RPA2: variants seen among roughly 807,000 people sequenced by gnomAD.
RPA2 encodes the protein replication protein A2.
Under a neutral mutation model 33.4 loss-of-function variants are expected in RPA2, and 22 were observed. The observed-to-expected ratio is 0.66, with a 90% CI of 0.47 to 0.94. RPA2 has a LOEUF of 0.94. Among genes scored for constraint, RPA2 ranks in the 40% least tolerant of loss-of-function variants. The pLI, the probability that RPA2 is intolerant of heterozygous loss-of-function variation, is 0.00. For missense variants in RPA2, 279 were observed against 329.9 expected (o/e 0.85, Z 1.19); for synonymous variants, 109 against 114.9 (o/e 0.95, Z 0.33).
In RPA2 at chr1:27,897,693, T is replaced by C. The variant is rs1420834454; in HGVS notation, c.348A>G (p.Glu116=). Residue 116 remains glutamate (E), a synonymous_variant, in exon 5 of 9, where the codon GAA becomes GAG. Coordinates refer to ENST00000373912, the MANE Select transcript of RPA2 (RefSeq NM_002946.5). The part of the protein sequence containing the change: ...QWVDTDDTSS[E]NTVVPPETYV... The stretch of plus-strand genomic sequence containing the variant: ...ATGTTTCTGGAGGAACCACAGTGTT[T>C]TCACTGCTGGTGTCCTAACATAAAA... The C allele has an allele frequency of 6.3e-7, 1 of 1,599,328 alleles. No homozygotes were observed. The highest frequency in any genetic ancestry group is 1.1e-5 in the South Asian group (1 of 87,320).
chr1:27,912,065 G>A (rs892373050), intron 2 of RPA2, among the ~76,000 whole-genome samples: 1 of 151,308 alleles, frequency 6.6e-6, no homozygotes, highest in Non-Finnish European at 1.5e-5. Context: ...CTACACTCCA[G>A]CCTGGGCGAC....
intron 2 of RPA2, among the ~76,000 whole-genome samples, chr1:27,911,856 G>A (rs1209829057): frequency 6.6e-6 from 1 of 152,116 alleles, no homozygotes; most frequent in African/African-American, 2.4e-5. Flanking sequence ...ACTTTGGGAG[G>A]CCGAGGCGGG....
chr1:27,897,182 C>G (rs2089904190), intron 5 of RPA2, 61 bp from the exon 6 acceptor site: 1 of 1,101,238 alleles, frequency 9.1e-7, no homozygotes, highest in East Asian at 2.4e-5. Context: ...TTCAGGTCAA[C>G]ACTGTGGCTC....
chr1:27,910,493 A>G (rs935254837), intron 2 of RPA2, among the ~76,000 whole-genome samples: 4 of 152,218 alleles, frequency 2.6e-5, no homozygotes, highest in Non-Finnish European at 5.9e-5. Context: ...ACAAAGTGTC[A>G]ATAAAAATAT....
At chr1:27,913,855 A>G (rs2090132569) in intron 2 of RPA2, among the ~76,000 whole-genome samples, 1 of 152,188 alleles carries the variant, frequency 6.6e-6, no homozygotes, top group Non-Finnish European at 1.5e-5. Context: ...CAACGACGGG[A>G]AAAGCCAGGG....
At chr1:27,906,294 G>C (rs1357434786) in intron 4 of RPA2, among the ~76,000 whole-genome samples, 2 of 149,786 alleles carry the variant, frequency 1.3e-5, no homozygotes, top group African/African-American at 4.9e-5. Context: ...TTGAACCTGG[G>C]GCCCAGAGGC....
In RPA2 at chr1:27,907,270, G is replaced by A; in HGVS notation, c.130C>T (p.Gln44Ter). 6.3e-7 allele frequency: 1 copy of A among 1,597,976 alleles called. No individual in the cohort carries two copies. Among genetic ancestry groups the A allele is most frequent in the Non-Finnish European group, 8.5e-7 (1 of 1,174,942 alleles). The change falls in exon 3 of 9, where the codon CAG becomes TAG. Residue 44 changes from glutamine to a stop codon, truncating the protein, a stop_gained. Transcript: ENST00000373912. LOFTEE classifies it high-confidence loss of function. ...GATATAGTACAGGGCACAATGTGCTGGGCTCGGGCTCTCTGAAAAGAAAAA... is the reference window on the plus strand; with the variant it reads ...GATATAGTACAGGGCACAATGTGCTAGGCTCGGGCTCTCTGAAAAGAAAAA... ...QAEKKSRARAQHIVPCTISQL... is the reference protein window; with the variant it reads ...QAEKKSRARA
intron 4 of RPA2, among the ~76,000 whole-genome samples, chr1:27,901,883 A>G (rs938069875): frequency 2.0e-5 from 3 of 152,038 alleles, no homozygotes; most frequent in African/African-American, 7.2e-5. Flanking sequence ...TACAGGTGTG[A>G]GCCACTGTGC....
intron 2 of RPA2, among the ~76,000 whole-genome samples, chr1:27,909,869 A>G (rs556194652): frequency 6.6e-6 from 1 of 152,344 alleles, no homozygotes; most frequent in African/African-American, 2.4e-5. Flanking sequence ...AACAAATTTT[A>G]GCTATTATTA....
intron 7 of RPA2, 29 bp from the exon 8 acceptor site, chr1:27,894,135 C>G: frequency 6.2e-7 from 1 of 1,602,992 alleles, no homozygotes; most frequent in South Asian, 1.1e-5. Flanking sequence ...AAGATTTTAG[C>G]AATTATTTTG....
intron 6 of RPA2, among the ~76,000 whole-genome samples, chr1:27,895,370 C>T (rs765890546): frequency 3.3e-5 from 5 of 151,880 alleles, no homozygotes; most frequent in African/African-American, 7.3e-5. Context: ...TGCAGTGAGC[C>T]GAGATCACGC....
intron 4 of RPA2, among the ~76,000 whole-genome samples, chr1:27,898,141 C>T (rs899178818): frequency 1.2e-4 from 19 of 152,114 alleles, no homozygotes; most frequent in Admixed American, 3.3e-4. Context: ...GGATTACAGG[C>T]GCCCGCCACC....
intron 4 of RPA2, among the ~76,000 whole-genome samples, chr1:27,904,682 C>T (rs1237013407): frequency 1.3e-5 from 2 of 151,348 alleles, no homozygotes; most frequent in Non-Finnish European, 2.9e-5. Flanking sequence ...TGCTCTGTTG[C>T]CCAGAGCAAC....
At chr1:27,904,813 A>G (rs2064708) in intron 4 of RPA2, among the ~76,000 whole-genome samples, 122,375 of 151,962 alleles carry the variant, frequency 0.81, 50,023 homozygotes, top group African/African-American at 0.95. Flanking sequence ...ACAGGCACCC[A>G]GCTCATTTTT....
chr1:27,914,744 A>C (rs1375888547), upstream of RPA2: 1 of 1,446,386 alleles, frequency 6.9e-7, no homozygotes, highest in African/African-American at 1.4e-5. Context: ...CCTCCGCACT[A>C]GCGGAAGCAA....
chr1:27,891,668 C>T lies in RPA2; in HGVS notation c.*495G>A, dbSNP rs1320894610. The stretch of plus-strand genomic sequence containing the variant: ...ATGTTCACAGAAACACACGTCATGG[C>T]AAGTGTGTCAAAAAGTCATGACAAG... On this transcript the variant is annotated 3_prime_UTR_variant, in exon 9 of 9. Transcript: ENST00000373912. The T allele has an allele frequency of 6.5e-6, 1 of 153,212 alleles. No individual in the cohort carries two copies. The highest frequency in any genetic ancestry group is 1.5e-5 in the Non-Finnish European group (1 of 68,674). 9.5% of individuals were successfully genotyped at this position (153,212 alleles called of 1,614,324 possible).
chr1:27,903,338 C>T (rs1027158788), intron 4 of RPA2, among the ~76,000 whole-genome samples: 1 of 152,146 alleles, frequency 6.6e-6, no homozygotes, highest in Non-Finnish European at 1.5e-5. Flanking sequence ...CTGACTGGGT[C>T]CACTGTTAAG....
intron 4 of RPA2, among the ~76,000 whole-genome samples, chr1:27,899,279 C>T (rs1193626904): frequency 1.3e-5 from 2 of 151,276 alleles, no homozygotes; most frequent in East Asian, 3.9e-4. Context: ...GAGGCTGAGG[C>T]GGGCGGATCA....
intron 3 of RPA2, 61 bp downstream of exon 3, chr1:27,907,120 T>C: frequency 7.6e-6 from 12 of 1,577,620 alleles, no homozygotes; most frequent in Non-Finnish European, 1.0e-5. Context: ...TATTTTTTAA[T>C]GAAGTCTTAT....
Sources: gnomAD v4.1 joint callset for allele counts (sites outside exome capture counted in the v4.1 genomes callset) on GRCh38, gnomAD v4.1.1 for gene constraint, MANE v1.5 for transcripts, NCBI Gene and HGNC (gene_info 2026-07-23, HGNC 2026-07-21) for gene names.